The following IMMP2L variants were observed in gnomAD, a reference collection of about 807,000 sequenced individuals.
IMMP2L encodes mitochondrial inner membrane protease subunit 2.
In IMMP2L, 18 loss-of-function variants were observed where a neutral mutation model predicts 19.3. The observed-to-expected ratio is 0.93, with a 90% confidence interval of 0.64 to 1.38. The LOEUF is 1.38. Ranked by LOEUF, IMMP2L falls within the 40% of genes most tolerant of loss-of-function variation. The pLI is 0.00. For missense variants in IMMP2L, 233 were observed against 218.2 expected, an observed-to-expected ratio of 1.07 and a Z score of -0.43; for synonymous variants, 76 against 73.0, an observed-to-expected ratio of 1.04 and a Z score of -0.21.
At chr7:111,454,295 C>T (rs985105318) in intron 3 of IMMP2L, among the ~76,000 whole-genome samples, 8 of 152,050 alleles carry the variant, frequency 5.3e-5, no homozygotes, top group Non-Finnish European at 1.0e-4. Flanking sequence ...CCACACGTGG[C>T]TCATCAAGTG....
intron 5 of IMMP2L, among the ~76,000 whole-genome samples, chr7:110,684,391 T>C (rs1792955252): frequency 6.6e-6 from 1 of 152,114 alleles, no homozygotes; most frequent in African/African-American, 2.4e-5. Flanking sequence ...ATTAATTTTT[T>C]AGAGCAATGT....
At chr7:110,950,289 T>C (rs1817660522) in intron 4 of IMMP2L, among the ~76,000 whole-genome samples, 1 of 152,154 alleles carries the variant, frequency 6.6e-6, no homozygotes, top group Admixed American at 6.6e-5. Context: ...TGGGTTTCTC[T>C]CAGTGTCTCT....
chr7:111,123,876 C>T lies in IMMP2L; in HGVS notation c.240-160311G>A. 1.2e-6 allele frequency: 2 copies of T among 1,613,982 alleles called. No individual in the cohort carries two copies. Among genetic ancestry groups the T allele is most frequent in the South Asian group, 2.2e-5 (2 of 91,078 alleles). On this transcript the variant is annotated intron_variant, in intron 3 of 5. Coordinates refer to ENST00000405709, the MANE Select transcript of IMMP2L (RefSeq NM_032549.4). This position sits in a 1 kb window ranked among gnomAD's most constrained non-coding sequence, Gnocchi z 6.4. Reference sequence around the variant, plus strand: ...TCAAGGAAATCAGCATACACAGTAACCCCATCAGGTGTGACTGTGTCATCC... The same window carrying T: ...TCAAGGAAATCAGCATACACAGTAATCCCATCAGGTGTGACTGTGTCATCC...
At chr7:111,031,687 C>A (rs954291741) in intron 3 of IMMP2L, among the ~76,000 whole-genome samples, 1 of 152,028 alleles carries the variant, frequency 6.6e-6, no homozygotes, top group Non-Finnish European at 1.5e-5. Context: ...GAAGAGAATA[C>A]CTCTCCACTC....
rs1303532300 is a variant in IMMP2L, at chr7:110,924,017, C to T, written c.306-37322G>A. 3.3e-5 allele frequency among the ~76,000 whole-genome samples: 5 copies of T among 152,162 alleles called. No individual in the cohort carries two copies. Among genetic ancestry groups the T allele is most frequent in the Non-Finnish European group, 7.3e-5 (5 of 68,030 alleles). Reference sequence around the variant, plus strand: ...TTGGCCCTTAAGGCAGCATTCAGCTCACCTTGTAGCTCAGTCTCAAGTTTA... The same window carrying T: ...TTGGCCCTTAAGGCAGCATTCAGCTTACCTTGTAGCTCAGTCTCAAGTTTA... On this transcript the variant is annotated intron_variant, in intron 4 of 5. Transcript: ENST00000405709. The surrounding 1 kb of genome is among the most constrained non-coding windows in gnomAD (Gnocchi z 4.2).
At chr7:111,383,178 GGTTTCTCTCCT>G (rs1193801301) in intron 3 of IMMP2L, among the ~76,000 whole-genome samples, 2 of 152,032 alleles carry the variant, frequency 1.3e-5, no homozygotes, top group Non-Finnish European at 2.9e-5. Context: ...GAATAAAGAG[GGTTTCTCTCCT>G]GTCTATATAA....
At chr7:110,783,064 C>T (rs187855598) in intron 5 of IMMP2L, among the ~76,000 whole-genome samples, 114 of 151,824 alleles carry the variant, frequency 7.5e-4, no homozygotes, top group Middle Eastern at 3.4e-3. Flanking sequence ...TTGAGTACAC[C>T]GAGGTTGGAG....
At chr7:111,441,969 T>A (rs1837783086) in intron 3 of IMMP2L, among the ~76,000 whole-genome samples, 1 of 151,618 alleles carries the variant, frequency 6.6e-6, no homozygotes, top group African/African-American at 2.4e-5. Context: ...AAACCCTGTC[T>A]CTACTAAAAA....
At chr7:111,180,765 G>C (rs188916804) in intron 3 of IMMP2L, among the ~76,000 whole-genome samples, 34 of 152,050 alleles carry the variant, frequency 2.2e-4, no homozygotes, top group African/African-American at 7.2e-4. Flanking sequence ...CGTATATATT[G>C]ACAAAGCCTA....
At chr7:111,375,294 G>A (rs1308887402) in intron 3 of IMMP2L, among the ~76,000 whole-genome samples, 5 of 151,898 alleles carry the variant, frequency 3.3e-5, no homozygotes, top group Admixed American at 3.3e-4. Flanking sequence ...AGTCTTATGA[G>A]ACAGTAAAAT....
intron 5 of IMMP2L, among the ~76,000 whole-genome samples, chr7:110,713,596 T>A (rs1795039083): frequency 6.6e-6 from 1 of 152,106 alleles, no homozygotes; most frequent in Non-Finnish European, 1.5e-5. Flanking sequence ...TTAGCAGTGT[T>A]TTATAGTTCT....
intron 3 of IMMP2L, among the ~76,000 whole-genome samples, chr7:110,990,040 AT>A (rs1195869969): frequency 5.3e-5 from 8 of 152,146 alleles, no homozygotes; most frequent in African/African-American, 1.4e-4. Flanking sequence ...CCCATACATT[AT>A]TTTCTGTGTA....
At chr7:111,183,662 ATTGT>A (rs1807960050) in intron 3 of IMMP2L, among the ~76,000 whole-genome samples, 1 of 152,018 alleles carries the variant, frequency 6.6e-6, no homozygotes, top group Admixed American at 6.6e-5. Flanking sequence ...TAGATCACAC[ATTGT>A]TTCTCATTAG....
chr7:111,348,407 T>G (rs1480593714), intron 3 of IMMP2L, among the ~76,000 whole-genome samples: 1 of 152,160 alleles, frequency 6.6e-6, no homozygotes, highest in Non-Finnish European at 1.5e-5. Flanking sequence ...GGTCACATTT[T>G]GTTTAATGCT....
At chr7:111,075,727 C>T (rs1329569001) in intron 3 of IMMP2L, among the ~76,000 whole-genome samples, 1 of 152,060 alleles carries the variant, frequency 6.6e-6, no homozygotes, top group Non-Finnish European at 1.5e-5. Flanking sequence ...TCTCTGTGTA[C>T]ACTTTTTCCC....
At chr7:110,939,251 C>T (rs1294343997) in intron 4 of IMMP2L, among the ~76,000 whole-genome samples, 5 of 152,048 alleles carry the variant, frequency 3.3e-5, no homozygotes, top group Admixed American at 3.3e-4. Context: ...TTACAAATTA[C>T]CGATCCCTGG....
chr7:110,981,832 G>C (rs1821337738), intron 3 of IMMP2L, among the ~76,000 whole-genome samples: 1 of 151,988 alleles, frequency 6.6e-6, no homozygotes, highest in South Asian at 2.1e-4. Flanking sequence ...GCTCCACAGA[G>C]ACATGCCCAA....
chr7:111,467,826 G>GTA, intron 3 of IMMP2L, among the ~76,000 whole-genome samples: 1 of 152,068 alleles, frequency 6.6e-6, no homozygotes, highest in Non-Finnish European at 1.5e-5. Context: ...ACTTCTTAAA[G>GTA]GTCTCCAAGA....
At chr7:111,221,052 T>C (rs546370978) in intron 3 of IMMP2L, among the ~76,000 whole-genome samples, 31 of 152,148 alleles carry the variant, frequency 2.0e-4, no homozygotes, top group African/African-American at 7.0e-4. Context: ...AAATAATGTT[T>C]AACCAGATAT....
Sources: allele counts gnomAD v4.1 joint callset (sites outside exome capture counted in the v4.1 genomes callset), GRCh38; gene constraint gnomAD v4.1.1; non-coding constraint Gnocchi (gnomAD v3.1); transcripts MANE v1.5; gene names NCBI Gene and HGNC (gene_info 2026-07-23, HGNC 2026-07-21).